SNTG2: variants seen among roughly 807,000 people sequenced by gnomAD.
The protein encoded by SNTG2 is gamma-2-syntrophin.
In SNTG2, 74 loss-of-function variants were observed where a neutral mutation model predicts 70.9. That is an observed-to-expected ratio of 1.04 (90% CI 0.86 to 1.27). SNTG2 has a LOEUF of 1.27. SNTG2 is among the 50% of genes most tolerant of loss of function. The pLI is 0.00. For missense variants in SNTG2, 717 were observed against 690.7 expected (o/e 1.04, Z -0.43); for synonymous variants, 278 against 273.8 (o/e 1.02, Z -0.15).
chr2:967,700 TTGGTGTAATCC>T (rs1476073105), intron 1 of SNTG2, among the ~76,000 whole-genome samples: 1 of 152,198 alleles, frequency 6.6e-6, no homozygotes, highest in Non-Finnish European at 1.5e-5. Flanking sequence ...CGTCAGGGCA[TTGGTGTAATCC>T]TGGCCTGTCC....
intron 12 of SNTG2, among the ~76,000 whole-genome samples, chr2:1,255,855 T>TATATATAAATATAAATATATATAA (rs1678043712): frequency 1.7e-5 from 1 of 59,950 alleles, no homozygotes; most frequent in Non-Finnish European, 2.8e-5. Context: ...TATATATAAA[T>TATATATAAATATAAATATATATAA]ATATATAAAT....
At chr2:1,012,062 A>G (rs1659743521) in intron 1 of SNTG2, among the ~76,000 whole-genome samples, 1 of 152,244 alleles carries the variant, frequency 6.6e-6, no homozygotes, top group African/African-American at 2.4e-5. Flanking sequence ...ATCTTCCTCT[A>G]AATCAAGCAA....
At chr2:1,057,521 G>A (rs1017573612) in intron 1 of SNTG2, among the ~76,000 whole-genome samples, 1 of 152,114 alleles carries the variant, frequency 6.6e-6, no homozygotes, top group Non-Finnish European at 1.5e-5. Flanking sequence ...CATCCAGTGC[G>A]GGAGAAAGAT....
At chr2:1,272,660 A>G (rs1272072767) in intron 14 of SNTG2, among the ~76,000 whole-genome samples, 1 of 151,234 alleles carries the variant, frequency 6.6e-6, no homozygotes, top group Non-Finnish European at 1.5e-5. Context: ...TGTAGAAAGG[A>G]CATCCCAGGG....
chr2:1,321,425 C>T (rs1214267845), intron 16 of SNTG2, among the ~76,000 whole-genome samples: 3 of 152,138 alleles, frequency 2.0e-5, no homozygotes, highest in African/African-American at 7.2e-5. Flanking sequence ...AGTGTGCCAG[C>T]CGCAGATGGA....
intron 4 of SNTG2, among the ~76,000 whole-genome samples, chr2:1,111,154 T>C (rs1666413840): frequency 6.6e-6 from 1 of 152,186 alleles, no homozygotes; most frequent in South Asian, 2.1e-4. Context: ...TGCTAATGAA[T>C]CAATGAAAGG....
Position 1,184,005 on chromosome 2 carries a change from T to C in SNTG2, c.591+10822T>C, listed in dbSNP as rs534356596. On this transcript the variant is annotated intron_variant, in intron 8 of 16. Coordinates refer to ENST00000308624, the MANE Select transcript of SNTG2 (RefSeq NM_018968.4). The stretch of plus-strand genomic sequence containing the variant: ...TATAAAATAGTTATTGCTTGGCTTG[T>C]AGAATTTCAGCGAGTTGAATGGAGA... Among the ~76,000 whole-genome samples, 7 of 152,328 alleles carry C rather than the reference T, an allele frequency of 4.6e-5. No homozygotes were observed. The East Asian group carries it at 1.3e-3, about 29-fold the overall frequency.
At chr2:1,262,626 A>T (rs557221174) in intron 13 of SNTG2, among the ~76,000 whole-genome samples, 2,962 of 136,592 alleles carry the variant, frequency 0.022, 219 homozygotes, top group Non-Finnish European at 0.03. Context: ...CCAGACGAGG[A>T]AACCCAAAGG....
At chr2:1,198,370 T>A (rs62107166) in intron 8 of SNTG2, among the ~76,000 whole-genome samples, 31,473 of 151,698 alleles carry the variant, frequency 0.21, 3,865 homozygotes, top group African/African-American at 0.35. Flanking sequence ...AAGCAGAAAG[T>A]CTGTCTGACA....
intron 1 of SNTG2, among the ~76,000 whole-genome samples, chr2:1,080,135 C>T (rs1413327439): frequency 6.6e-6 from 1 of 151,964 alleles, no homozygotes; most frequent in East Asian, 1.9e-4. Context: ...GGCTGGGGGA[C>T]AAGCGATGGC....
chr2:1,138,244 G>T (rs989110152), intron 6 of SNTG2, among the ~76,000 whole-genome samples: 1 of 152,216 alleles, frequency 6.6e-6, no homozygotes, highest in Non-Finnish European at 1.5e-5. Context: ...AGCAGCACAC[G>T]TGCATAGAAT....
At chr2:1,025,174 C>G (rs1323597970) in intron 1 of SNTG2, among the ~76,000 whole-genome samples, 2 of 152,166 alleles carry the variant, frequency 1.3e-5, no homozygotes, top group South Asian at 4.1e-4. Flanking sequence ...ATGAGTAATG[C>G]AGGGTCTGAG....
intron 1 of SNTG2, among the ~76,000 whole-genome samples, chr2:1,016,537 G>A (rs933048988): frequency 2.8e-5 from 4 of 144,740 alleles, no homozygotes; most frequent in African/African-American, 9.7e-5. Flanking sequence ...CACCACGCCC[G>A]GCCGACAACT....
chr2:1,034,947 T>C (rs1439540413), intron 1 of SNTG2, among the ~76,000 whole-genome samples: 2 of 152,202 alleles, frequency 1.3e-5, no homozygotes, highest in Non-Finnish European at 2.9e-5. Flanking sequence ...TGCTCTAAAA[T>C]AGACCACACA....
At chr2:1,266,768 T>C (rs1254902183) in intron 13 of SNTG2, among the ~76,000 whole-genome samples, 1 of 150,076 alleles carries the variant, frequency 6.7e-6, no homozygotes, top group Non-Finnish European at 1.5e-5. Flanking sequence ...TTTTTTTTCT[T>C]GAGACAGGGT....
chr2:1,284,882 C>G (rs1679703740), intron 14 of SNTG2, among the ~76,000 whole-genome samples: 1 of 143,570 alleles, frequency 7.0e-6, no homozygotes, highest in South Asian at 2.3e-4. Flanking sequence ...CTGTATTAGT[C>G]AGGGTTCTCT....
intron 8 of SNTG2, among the ~76,000 whole-genome samples, chr2:1,197,873 A>G (rs1295426770): frequency 6.6e-6 from 1 of 152,172 alleles, no homozygotes; most frequent in Non-Finnish European, 1.5e-5. Context: ...TATTAGTTCT[A>G]AATAATGAAA....
chr2:1,240,510 C>T (rs1351445870), intron 11 of SNTG2, among the ~76,000 whole-genome samples: 1 of 152,188 alleles, frequency 6.6e-6, no homozygotes, highest in Non-Finnish European at 1.5e-5. Context: ...ATAGTTCATT[C>T]ATTTTCTGGT....
At chr2:1,161,032 T>C (rs560027880) in intron 6 of SNTG2, 1 of 152,408 alleles carries the variant, frequency 6.6e-6, no homozygotes, top group Non-Finnish European at 1.5e-5. Context: ...CTGTCAGAGT[T>C]TGACATGCTG....
Sources: gnomAD v4.1 joint callset for allele counts (sites outside exome capture counted in the v4.1 genomes callset) on GRCh38, gnomAD v4.1.1 for gene constraint, MANE v1.5 for transcripts, NCBI Gene and HGNC (gene_info 2026-07-23, HGNC 2026-07-21) for gene names.